Variants in SCUBE3 observed in about 807,000 individuals in gnomAD.
SCUBE3 encodes the protein signal peptide, CUB and EGF-like domain-containing protein 3.
A neutral mutation model predicts 116.8 loss-of-function variants in SCUBE3; 33 were observed. The observed-to-expected ratio is 0.28, with a 90% confidence interval of 0.21 to 0.38. SCUBE3 has a LOEUF of 0.38. Among genes scored for constraint, SCUBE3 ranks in the 10% least tolerant of loss-of-function variants. The probability of loss-of-function intolerance (pLI) is 1.00; values close to 1 mark genes in which losing one functional copy is unlikely to be tolerated. For missense variants in SCUBE3, 1,007 were observed against 1,324.8 expected (o/e 0.76, Z 3.72); for synonymous variants, 418 against 496.9 (o/e 0.84, Z 2.11).
In SCUBE3 at chr6:35,251,227, T is replaced by G. The variant is rs988063187; in HGVS notation, c.*2522T>G. The G allele has an allele frequency of 6.8e-6, 1 of 146,524 alleles. No individual in the cohort carries two copies. The highest frequency in any genetic ancestry group is 2.5e-5 in the African/African-American group (1 of 40,134). 9.1% of individuals were successfully genotyped at this position (146,524 alleles called of 1,614,324 possible). On this transcript the variant is annotated 3_prime_UTR_variant, in exon 22 of 22. Coordinates refer to ENST00000274938, the MANE Select transcript of SCUBE3 (RefSeq NM_152753.4). ...GGAGTGTAATGGTGCTATCTCGGCC[T>G]ACTGCAACCTCCGCCTCCCAGGCTC...
In SCUBE3 at chr6:35,237,935, G is replaced by GT; in HGVS notation, c.747dup (p.Lys250Ter). The GT allele has an allele frequency of 6.2e-7, 1 of 1,612,850 alleles. No homozygotes were observed. The highest frequency in any genetic ancestry group is 8.5e-7 in the Non-Finnish European group (1 of 1,178,894). On this transcript the variant is annotated frameshift_variant, in exon 7 of 22. Coordinates refer to ENST00000274938, the MANE Select transcript of SCUBE3 (RefSeq NM_152753.4). LOFTEE classifies it high-confidence loss of function. ...GCTGTCAACAACGGGGGCTGTGACA[G>GT]TAAGTGCCATGATGCAGCGACTGGT... is the stretch of plus-strand genomic sequence containing the variant.
Position 35,241,039 on chromosome 6 carries a change from G to A in SCUBE3, c.1070-102G>A. 9.0e-7 allele frequency: 1 copy of A among 1,115,322 alleles called. No homozygotes were observed. The highest frequency in any genetic ancestry group is 1.3e-6 in the Non-Finnish European group (1 of 770,572). The allele number at this position is 1,115,322 out of a possible 1,614,324, so 69.1% of individuals were successfully genotyped here. Reference sequence around the variant, plus strand: ...GAACTTATTCATCTTGCGTAATGCAGGGTACCTGAAACTCTAACCAAAGGC... The same window carrying A: ...GAACTTATTCATCTTGCGTAATGCAAGGTACCTGAAACTCTAACCAAAGGC... On this transcript the variant is annotated intron_variant, in intron 9 of 21. Coordinates refer to ENST00000274938, the MANE Select transcript of SCUBE3 (RefSeq NM_152753.4). The surrounding 1 kb of genome is among the most constrained non-coding windows in gnomAD (Gnocchi z 4.1).
Position 35,219,358 on chromosome 6 carries a change from G to T in SCUBE3, c.85+4855G>T, listed in dbSNP as rs1783040735. Among the ~76,000 whole-genome samples, 1 of 152,134 alleles carries T rather than the reference G, an allele frequency of 6.6e-6. No homozygotes were observed. The highest frequency in any genetic ancestry group is 6.5e-5 in the Admixed American group (1 of 15,276). On this transcript the variant is annotated intron_variant, in intron 1 of 21. Coordinates refer to ENST00000274938, the MANE Select transcript of SCUBE3 (RefSeq NM_152753.4). This position sits in a 1 kb window ranked among gnomAD's most constrained non-coding sequence, Gnocchi z 4.7. ...CTCTGAGACTAGCTGTCTGTATTCT[G>T]CCCTAGCCTAGACATGTCCCCCTGC...
rs910844790 is a variant in SCUBE3 at position 35,235,263 on chromosome 6, G to C, written c.712+1962G>C. ...CACTTGCGGGGAGCTTGGCATCTTT[G>C]GGGATACCACCAGACAGGATAAGGA... On this transcript the variant is annotated intron_variant, in intron 6 of 21. Coordinates refer to ENST00000274938, the MANE Select transcript of SCUBE3 (RefSeq NM_152753.4). The surrounding 1 kb of genome is among the most constrained non-coding windows in gnomAD (Gnocchi z 4.5). Among the ~76,000 whole-genome samples the C allele has an allele frequency of 6.6e-6, 1 of 152,132 alleles. No homozygotes were observed. Among genetic ancestry groups the C allele is most frequent in the African/African-American group, 2.4e-5 (1 of 41,418 alleles).
At position 35,248,783 on chromosome 6, in the gene SCUBE3, G is replaced by A. The variant is rs1304329899; in HGVS notation, c.*78G>A. ...CAGAGCCGGCAGCCCCCTACCCTCA[G>A]ACAAGGAACTCTCTCCTCTCTTTTT... is the stretch of plus-strand genomic sequence containing the variant. On this transcript the variant is annotated 3_prime_UTR_variant, in exon 22 of 22. Transcript: ENST00000274938. The A allele has an allele frequency of 5.4e-6, 6 of 1,108,628 alleles. No individual in the cohort carries two copies. The highest frequency in any genetic ancestry group is 2.9e-5 in the South Asian group (2 of 69,130). 68.7% of individuals were successfully genotyped at this position (1,108,628 alleles called of 1,614,324 possible).
chr6:35,226,993 C>A (rs1178843598), intron 1 of SCUBE3, among the ~76,000 whole-genome samples: 1 of 152,188 alleles, frequency 6.6e-6, no homozygotes, highest in Non-Finnish European at 1.5e-5. Flanking sequence ...TTGTTGGCAG[C>A]ACAGGGGCCG....
chr6:35,249,146 G>A lies in SCUBE3; in HGVS notation c.*441G>A, dbSNP rs1040143295. ...TGCCTTGCTAGTCAGGGGCCAAAATGTCCCCTGGCTCTGCTCCCTAGGGTG... is the reference window on the plus strand; with the variant it reads ...TGCCTTGCTAGTCAGGGGCCAAAATATCCCCTGGCTCTGCTCCCTAGGGTG... On this transcript the variant is annotated 3_prime_UTR_variant, in exon 22 of 22. Coordinates refer to ENST00000274938, the MANE Select transcript of SCUBE3 (RefSeq NM_152753.4). The A allele has an allele frequency of 2.5e-5, 4 of 161,744 alleles. No homozygotes were observed. Among genetic ancestry groups the A allele is most frequent in the Non-Finnish European group, 5.4e-5 (4 of 73,736 alleles). The allele number at this position is 161,744 out of a possible 1,614,324, so 10.0% of individuals were successfully genotyped here.
intron 6 of SCUBE3, among the ~76,000 whole-genome samples, chr6:35,234,834 C>G (rs1783693273): frequency 6.6e-6 from 1 of 152,224 alleles, no homozygotes; most frequent in Non-Finnish European, 1.5e-5. Flanking sequence ...GGGCTCTTCT[C>G]TAACTCAAGA....
rs968663832 is a variant in SCUBE3, at chr6:35,235,587, C to A, written c.712+2286C>A. 2 of 657,410 alleles carry A rather than the reference C, an allele frequency of 3.0e-6. No individual in the cohort carries two copies. The highest frequency in any genetic ancestry group is 3.7e-5 in the African/African-American group (2 of 54,156). 40.7% of individuals were successfully genotyped at this position (657,410 alleles called of 1,614,324 possible). ...CCCACTAACTGCATGCCCACTGGGC[C>A]CAGCCTGACTGGGCCCCAACTTGCC... On this transcript the variant is annotated intron_variant, in intron 6 of 21. Transcript: ENST00000274938. This position sits in a 1 kb window ranked among gnomAD's most constrained non-coding sequence, Gnocchi z 4.5.
rs1352293382 is a variant in SCUBE3 at position 35,239,373 on chromosome 6, A to G, written c.830-379A>G. On this transcript the variant is annotated intron_variant, in intron 7 of 21. Transcript: ENST00000274938. This position sits in a 1 kb window ranked among gnomAD's most constrained non-coding sequence, Gnocchi z 4.1. Reference sequence around the variant, plus strand: ...GGAAAGAGATAACCCTTACCCACCAACCTTTCAGGGAATGGCCATCAGCTG... The same window carrying G: ...GGAAAGAGATAACCCTTACCCACCAGCCTTTCAGGGAATGGCCATCAGCTG... Among the ~76,000 whole-genome samples the G allele has an allele frequency of 6.6e-6, 1 of 150,982 alleles. No homozygotes were observed. Among genetic ancestry groups the G allele is most frequent in the African/African-American group, 2.4e-5 (1 of 41,044 alleles).
In SCUBE3 at chr6:35,252,440, CTG is replaced by C; in HGVS notation, c.*3736_*3737del. The C allele has an allele frequency of 6.6e-6, 1 of 152,198 alleles. No homozygotes were observed. The highest frequency in any genetic ancestry group is 2.4e-5 in the African/African-American group (1 of 41,444). 9.4% of individuals were successfully genotyped at this position (152,198 alleles called of 1,614,324 possible). On this transcript the variant is annotated 3_prime_UTR_variant, in exon 22 of 22. Coordinates refer to ENST00000274938, the MANE Select transcript of SCUBE3 (RefSeq NM_152753.4). Reference sequence around the variant, plus strand: ...CTCTATATACATGTTTGAGGTGACTCTGGAATGGATTATGAGGTCATATCTCA... The same window carrying C: ...CTCTATATACATGTTTGAGGTGACTCGAATGGATTATGAGGTCATATCTCA...
Position 35,240,860 on chromosome 6 carries a change from C to T in SCUBE3, c.1070-281C>T, listed in dbSNP as rs1784011658. On this transcript the variant is annotated intron_variant, in intron 9 of 21. Transcript: ENST00000274938. This position sits in a 1 kb window ranked among gnomAD's most constrained non-coding sequence, Gnocchi z 4.6. ...ATAATTGGAGGAGGTTTGAGCTCTT[C>T]TCAGGCCAGTAGTCATCTTACAGTG... Among the ~76,000 whole-genome samples, 1 of 152,182 alleles carries T rather than the reference C, an allele frequency of 6.6e-6. No individual in the cohort carries two copies.
chr6:35,241,036 G>A lies in SCUBE3; in HGVS notation c.1070-105G>A. 9.2e-6 allele frequency: 10 copies of A among 1,086,698 alleles called. No individual in the cohort carries two copies. Among genetic ancestry groups the A allele is most frequent in the Non-Finnish European group, 1.3e-5 (10 of 745,506 alleles). 67.3% of individuals were successfully genotyped at this position (1,086,698 alleles called of 1,614,324 possible). A position where few individuals can be genotyped will look rare whatever the true frequency, so the allele number is the denominator to read the frequency against. On this transcript the variant is annotated intron_variant, in intron 9 of 21. Transcript: ENST00000274938. This position sits in a 1 kb window ranked among gnomAD's most constrained non-coding sequence, Gnocchi z 4.1. ...CTCGAACTTATTCATCTTGCGTAAT[G>A]CAGGGTACCTGAAACTCTAACCAAA...
Position 35,231,006 on chromosome 6 carries a change from G to A in SCUBE3, c.335-719G>A, listed in dbSNP as rs1783525757. Among the ~76,000 whole-genome samples, 1 of 152,118 alleles carries A rather than the reference G, an allele frequency of 6.6e-6. No homozygotes were observed. The highest frequency in any genetic ancestry group is 2.1e-4 in the South Asian group (1 of 4,828). On this transcript the variant is annotated intron_variant, in intron 3 of 21. Transcript: ENST00000274938. The surrounding 1 kb of genome is among the most constrained non-coding windows in gnomAD (Gnocchi z 4.2). ...GGTGATTTGGGGGTGAGAGCCTACTGTTCTCCCTGCCCCCCACCCCCACCA... is the reference window on the plus strand; with the variant it reads ...GGTGATTTGGGGGTGAGAGCCTACTATTCTCCCTGCCCCCCACCCCCACCA...
In SCUBE3 at chr6:35,233,332, C is replaced by CCCCCACCCCAT; in HGVS notation, c.712+32_712+33insCCCACCCCATC. ...TGAGGCCAGGGGAGAACTCAGTCCACCTGAGATGGGGTGGGGGTGGGACCC... is the reference window on the plus strand; with the variant it reads ...TGAGGCCAGGGGAGAACTCAGTCCACCCCCACCCCATCTGAGATGGGGTGGGGGTGGGACCC... On this transcript the variant is annotated intron_variant, in intron 6 of 21. Transcript: ENST00000274938. This position sits in a 1 kb window ranked among gnomAD's most constrained non-coding sequence, Gnocchi z 5.7. 1 of 1,308,624 alleles carries CCCCCACCCCAT rather than the reference C, an allele frequency of 7.6e-7. No individual in the cohort carries two copies. The highest frequency in any genetic ancestry group is 1.1e-6 in the Non-Finnish European group (1 of 903,238). The allele number at this position is 1,308,624 out of a possible 1,614,324, so 81.1% of individuals were successfully genotyped here.
chr6:35,239,198 A>G lies in SCUBE3; in HGVS notation c.830-554A>G, dbSNP rs535301301. Among the ~76,000 whole-genome samples, 18 of 144,708 alleles carry G rather than the reference A, an allele frequency of 1.2e-4. No homozygotes were observed. Among genetic ancestry groups the G allele is most frequent in the Middle Eastern group, 3.5e-3 (1 of 282 alleles). 94.9% of individuals were successfully genotyped at this position (144,708 alleles called of 152,430 possible). The stretch of plus-strand genomic sequence containing the variant: ...CCCAGCCCTCCCCCATCAGCTACCC[A>G]GCCTCACTGGCTCTCCTGGAGGTCC... On this transcript the variant is annotated intron_variant, in intron 7 of 21. Transcript: ENST00000274938. The surrounding 1 kb of genome is among the most constrained non-coding windows in gnomAD (Gnocchi z 4.1).
Position 35,227,650 on chromosome 6 carries a change from A to C in SCUBE3, c.156A>C (p.Ser52=). ...CTATCTGCCAGAACACCCCGAGGTC[A>C]TACAAGTGCATCTGCAAGTCTGGCT... is the stretch of plus-strand genomic sequence containing the variant. ...IDAICQNTPR[S]YKCICKSGYT... Residue 52 remains serine (S), a synonymous_variant, in exon 2 of 22, where the codon TCA becomes TCC. Coordinates refer to ENST00000274938, the MANE Select transcript of SCUBE3 (RefSeq NM_152753.4). 6.2e-7 allele frequency: 1 copy of C among 1,614,184 alleles called. No homozygotes were observed. Among genetic ancestry groups the C allele is most frequent in the East Asian group, 2.2e-5 (1 of 44,892 alleles).
chr6:35,227,255 T>TTA (rs770615137), intron 1 of SCUBE3, among the ~76,000 whole-genome samples: 140 of 152,354 alleles, frequency 9.2e-4, no homozygotes, highest in Admixed American at 1.5e-3. Context: ...TTTAAGTTGA[T>TTA]TATTCCTAAT....
At position 35,241,878 on chromosome 6, in the gene SCUBE3, A is replaced by G; in HGVS notation, c.1385A>G (p.Asn462Ser). The change falls in exon 12 of 22, where the codon AAT becomes AGT. Residue 462 changes from asparagine (N) to serine (S), a missense_variant. Physicochemically the swap from Asn to Ser is conservative, Grantham distance 46. This residue lies in a region of SCUBE3 where 544 missense variants were observed against 638.9 expected (regional missense o/e 0.85). Coordinates refer to ENST00000274938, the MANE Select transcript of SCUBE3 (RefSeq NM_152753.4). This position sits in a 1 kb window ranked among gnomAD's most constrained non-coding sequence, Gnocchi z 4.1. ...GCTGCTCCAGCCCGAGCTGGCCACA[A>G]TGGGAACAGCACCAACTCCAACCAC... is the stretch of plus-strand genomic sequence containing the variant. ...PRAAPARAGH[N>S]GNSTNSNHCH... 5.0e-6 allele frequency: 8 copies of G among 1,611,118 alleles called. No homozygotes were observed. The highest frequency in any genetic ancestry group is 6.8e-6 in the Non-Finnish European group (8 of 1,179,692).
Sources: gnomAD v4.1 joint callset for allele counts (sites outside exome capture counted in the v4.1 genomes callset) on GRCh38, gnomAD v4.1.1 for gene constraint, gnomAD v4.1.1 regional missense constraint, Gnocchi (gnomAD v3.1) non-coding constraint, MANE v1.5 for transcripts, NCBI Gene and HGNC (gene_info 2026-07-23, HGNC 2026-07-21) for gene names.